Variants in CACNA2D1 observed in about 807,000 individuals in gnomAD.
CACNA2D1 encodes calcium voltage-gated channel auxiliary subunit alpha2delta 1.
CACNA2D1 carries 53 observed loss-of-function variants against 171.5 expected under a neutral mutation model. The ratio of observed to expected loss-of-function variants is 0.31; its 90% confidence interval spans 0.25 to 0.39. CACNA2D1 has a LOEUF of 0.39. Among genes scored for constraint, CACNA2D1 ranks in the 10% least tolerant of loss-of-function variants. The pLI is 1.00. For synonymous variants in CACNA2D1, 442 were observed against 443.1 expected (o/e 1.00, Z 0.03); for missense variants, 903 against 1,299.8 (o/e 0.69, Z 4.69).
intron 8 of CACNA2D1, among the ~76,000 whole-genome samples, chr7:82,064,663 C>G (rs1327874437): frequency 6.6e-6 from 1 of 151,906 alleles, no homozygotes; most frequent in African/African-American, 2.4e-5. Flanking sequence ...ATCTAAACTC[C>G]AATTGTTGAC....
Position 82,180,382 on chromosome 7 carries a change from C to T in CACNA2D1, c.295-9773G>A, listed in dbSNP as rs147609894. Among the ~76,000 whole-genome samples the T allele has an allele frequency of 2.7e-4, 41 of 152,244 alleles. No individual in the cohort carries two copies. The East Asian group carries it at 7.4e-3, about 27-fold the overall frequency. On this transcript the variant is annotated intron_variant, in intron 3 of 38. Coordinates refer to ENST00000356860, the MANE Select transcript of CACNA2D1 (RefSeq NM_000722.4). ...CACTGGGTTTGAGAGTCCAGAGATA[C>T]TGATGCGAACACAAAGCTCACGCTA...
At chr7:82,217,394 CATATATATATATATATATATAT>C (rs6150191) in intron 3 of CACNA2D1, among the ~76,000 whole-genome samples, 1 of 102,538 alleles carries the variant, frequency 9.8e-6, no homozygotes, top group Non-Finnish European at 1.8e-5. Context: ...CACACACATA[CATATATATATATATATATATAT>C]ATATATATAT....
At chr7:82,088,288 T>C (rs1810723139) in intron 6 of CACNA2D1, among the ~76,000 whole-genome samples, 1 of 152,014 alleles carries the variant, frequency 6.6e-6, no homozygotes. Context: ...TCTTAAAAAA[T>C]AAAAGGTACA....
intron 1 of CACNA2D1, among the ~76,000 whole-genome samples, chr7:82,423,375 A>G (rs1828894129): frequency 6.6e-6 from 1 of 152,158 alleles, no homozygotes; most frequent in Non-Finnish European, 1.5e-5. Flanking sequence ...GAAGCCATCA[A>G]AAGGGAATAG....
chr7:82,092,072 G>C (rs557146276), intron 6 of CACNA2D1, among the ~76,000 whole-genome samples: 77 of 152,236 alleles, frequency 5.1e-4, no homozygotes, highest in African/African-American at 1.8e-3. Context: ...AACAACTTTT[G>C]ACCTGTCAGC....
At chr7:82,151,685 G>C (rs1184094546) in intron 4 of CACNA2D1, among the ~76,000 whole-genome samples, 3 of 152,048 alleles carry the variant, frequency 2.0e-5, no homozygotes, top group African/African-American at 7.2e-5. Flanking sequence ...GAGAAGCTGA[G>C]CCAATTACAG....
chr7:82,440,789 G>A, intron 1 of CACNA2D1, among the ~76,000 whole-genome samples: 1 of 151,580 alleles, frequency 6.6e-6, no homozygotes, highest in East Asian at 1.9e-4. Context: ...TAGAATTTAA[G>A]CCCTTCACAC....
chr7:82,311,526 C>T (rs1189825478), intron 3 of CACNA2D1, among the ~76,000 whole-genome samples: 1 of 151,890 alleles, frequency 6.6e-6, no homozygotes, highest in Non-Finnish European at 1.5e-5. Flanking sequence ...TTCTTTTCCA[C>T]AATCAAAAAA....
At chr7:82,323,808 C>G (rs1318312216) in intron 3 of CACNA2D1, among the ~76,000 whole-genome samples, 1 of 152,122 alleles carries the variant, frequency 6.6e-6, no homozygotes, top group Non-Finnish European at 1.5e-5. Context: ...AAAGCCAACT[C>G]AAAGAATCTC....
intron 3 of CACNA2D1, among the ~76,000 whole-genome samples, chr7:82,191,873 T>C (rs1359248486): frequency 6.6e-6 from 1 of 151,798 alleles, no homozygotes; most frequent in African/African-American, 2.4e-5. Flanking sequence ...ACAAGCTTAA[T>C]GAGATACGCT....
At chr7:82,359,056 T>C (rs1820785448) in intron 1 of CACNA2D1, among the ~76,000 whole-genome samples, 1 of 152,252 alleles carries the variant, frequency 6.6e-6, no homozygotes, top group African/African-American at 2.4e-5. Flanking sequence ...TTTTTATCCT[T>C]CCACATCACA....
intron 1 of CACNA2D1, among the ~76,000 whole-genome samples, chr7:82,363,665 A>G (rs1039270877): frequency 3.9e-5 from 6 of 151,948 alleles, no homozygotes; most frequent in African/African-American, 1.2e-4. Flanking sequence ...CCTTATTAAA[A>G]GAAAAGCAAA....
At chr7:82,309,652 T>G (rs142875053) in intron 3 of CACNA2D1, among the ~76,000 whole-genome samples, 7 of 152,334 alleles carry the variant, frequency 4.6e-5, no homozygotes, top group African/African-American at 1.7e-4. Flanking sequence ...TGTGAGCTTC[T>G]ATCTTTGGTT....
intron 22 of CACNA2D1, 36 bp from the exon 23 acceptor site, chr7:81,983,370 C>CAAA: frequency 1.5e-6 from 2 of 1,345,470 alleles, no homozygotes; most frequent in South Asian, 1.4e-5. Context: ...AGCAGGGAAA[C>CAAA]AAAAAAAAAA....
chr7:82,042,243 C>T (rs1345796050), intron 10 of CACNA2D1, among the ~76,000 whole-genome samples: 1 of 152,136 alleles, frequency 6.6e-6, no homozygotes. Context: ...TTAGACTCAT[C>T]AGCTTATATC....
chr7:82,308,117 A>C (rs1813961511), intron 3 of CACNA2D1, among the ~76,000 whole-genome samples: 1 of 152,050 alleles, frequency 6.6e-6, no homozygotes, highest in African/African-American at 2.4e-5. Context: ...CTAAAACTTC[A>C]TTGGCCTTTT....
intron 1 of CACNA2D1, among the ~76,000 whole-genome samples, chr7:82,438,287 T>C (rs1585967154): frequency 1.3e-5 from 2 of 152,300 alleles, no homozygotes; most frequent in South Asian, 4.1e-4. Flanking sequence ...ACTCTGTCAA[T>C]CCACTTAAAG....
intron 3 of CACNA2D1, among the ~76,000 whole-genome samples, chr7:82,195,677 T>C (rs1435150298): frequency 6.8e-6 from 1 of 147,490 alleles, no homozygotes; most frequent in Non-Finnish European, 1.5e-5. Context: ...AAAAAAACCC[T>C]CTGGCCTAAC....
At chr7:81,991,401 T>C (rs1797526919) in intron 20 of CACNA2D1, among the ~76,000 whole-genome samples, 155 bp from the exon 21 acceptor site, 1 of 152,228 alleles carries the variant, frequency 6.6e-6, no homozygotes, top group Non-Finnish European at 1.5e-5. Context: ...ATTTATTTTC[T>C]GGGTGTGTCT....
Sources: gnomAD v4.1 joint callset for allele counts (sites outside exome capture counted in the v4.1 genomes callset) on GRCh38, gnomAD v4.1.1 for gene constraint, MANE v1.5 for transcripts, NCBI Gene and HGNC (gene_info 2026-07-23, HGNC 2026-07-21) for gene names.